ZEB1: variants seen among roughly 807,000 people sequenced by gnomAD.
ZEB1 encodes zinc finger E-box-binding homeobox 1.
In ZEB1, 21 loss-of-function variants were observed where a neutral mutation model predicts 84.9. The ratio of observed to expected loss-of-function variants is 0.25; its 90% confidence interval spans 0.18 to 0.36. The LOEUF (loss-of-function observed/expected upper bound fraction) is 0.36. Ranked by LOEUF, ZEB1 falls within the 10% of genes least tolerant of loss-of-function variation. ZEB1 has a pLI of 1.00. For synonymous variants in ZEB1, 420 were observed against 471.1 expected, an observed-to-expected ratio of 0.89 and a Z score of 1.41; for missense variants, 1,104 against 1,330.2, an observed-to-expected ratio of 0.83 and a Z score of 2.65.
chr10:31,456,976 A>G (rs1201869057), intron 1 of ZEB1, among the ~76,000 whole-genome samples: 2 of 152,200 alleles, frequency 1.3e-5, no homozygotes, highest in African/African-American at 4.8e-5. Context: ...TTACATTCTG[A>G]TGACAATAAG....
At chr10:31,393,025 C>T (rs955277328) in intron 1 of ZEB1, among the ~76,000 whole-genome samples, 32 of 151,918 alleles carry the variant, frequency 2.1e-4, no homozygotes, top group African/African-American at 7.0e-4. Flanking sequence ...TTTGTTGAGA[C>T]GGGGGTCTCA....
At chr10:31,504,900 C>T (rs943126407) in intron 4 of ZEB1, among the ~76,000 whole-genome samples, 1 of 152,058 alleles carries the variant, frequency 6.6e-6, no homozygotes, top group African/African-American at 2.4e-5. Flanking sequence ...CAAAGAGAGA[C>T]TATTTGACTT....
intron 1 of ZEB1, among the ~76,000 whole-genome samples, chr10:31,452,736 TGTGTGTGAGAGAGAGA>T (rs1319741401): frequency 1.1e-3 from 125 of 112,944 alleles, no homozygotes; most frequent in African/African-American, 5.7e-3. Flanking sequence ...TGTGTGTGTG[TGTGTGTGAGAGAGAGA>T]GAGAGAGAGA....
intron 3 of ZEB1, among the ~76,000 whole-genome samples, chr10:31,499,775 A>T (rs1339915931): frequency 6.6e-6 from 1 of 152,116 alleles, no homozygotes; most frequent in African/African-American, 2.4e-5. Context: ...CAAAAAAAAA[A>T]TAGAAATTAT....
intron 1 of ZEB1, among the ~76,000 whole-genome samples, chr10:31,397,177 A>T (rs1006033776): frequency 7.0e-6 from 1 of 142,784 alleles, no homozygotes; most frequent in African/African-American, 2.6e-5. Flanking sequence ...TATTATTATT[A>T]TTATTATTAT....
intron 1 of ZEB1, among the ~76,000 whole-genome samples, chr10:31,358,998 C>T (rs11008471): frequency 2.6e-5 from 4 of 152,088 alleles, no homozygotes; most frequent in South Asian, 2.1e-4. Flanking sequence ...TGTGTTAATT[C>T]TTTGTGTAGA....
At chr10:31,352,363 T>G (rs1464559066) in intron 1 of ZEB1, among the ~76,000 whole-genome samples, 1 of 152,188 alleles carries the variant, frequency 6.6e-6, no homozygotes, top group East Asian at 1.9e-4. Context: ...AAACAAAAAT[T>G]TGGCTTCTTA....
chr10:31,476,767 A>G (rs2064264469), intron 2 of ZEB1, among the ~76,000 whole-genome samples: 1 of 152,102 alleles, frequency 6.6e-6, no homozygotes, highest in South Asian at 2.1e-4. Context: ...GCAAGTCAGT[A>G]AATGTGATTC....
chr10:31,345,474 T>C (rs766080796), intron 1 of ZEB1, among the ~76,000 whole-genome samples: 9 of 152,186 alleles, frequency 5.9e-5, no homozygotes, highest in South Asian at 2.1e-4. Context: ...CTAAGTGTTA[T>C]GAGTTGTCCA....
At chr10:31,450,458 T>TAATAGTTCTAA (rs2137023388) in intron 1 of ZEB1, among the ~76,000 whole-genome samples, 1 of 152,118 alleles carries the variant, frequency 6.6e-6, no homozygotes, top group East Asian at 1.9e-4. Flanking sequence ...CCAAATGTCC[T>TAATAGTTCTAA]TACTGCTAAT....
intron 2 of ZEB1, among the ~76,000 whole-genome samples, chr10:31,469,302 G>A (rs576155901): frequency 9.3e-5 from 14 of 151,304 alleles, no homozygotes; most frequent in East Asian, 2.0e-4. Flanking sequence ...CTGAGGTACC[G>A]GGTTCATCTC....
chr10:31,344,375 A>G (rs1041938441), intron 1 of ZEB1, among the ~76,000 whole-genome samples: 1 of 152,062 alleles, frequency 6.6e-6, no homozygotes, highest in Non-Finnish European at 1.5e-5. Flanking sequence ...TGTCAACTCA[A>G]GTATAAAATA....
At chr10:31,385,533 C>CTT (rs1431044567) in intron 1 of ZEB1, among the ~76,000 whole-genome samples, 1 of 142,268 alleles carries the variant, frequency 7.0e-6, no homozygotes, top group Non-Finnish European at 1.5e-5. Context: ...TTTTTCTTTT[C>CTT]TTTTTTTTTT....
chr10:31,482,914 GT>G (rs2065233306), intron 2 of ZEB1, among the ~76,000 whole-genome samples: 1 of 152,070 alleles, frequency 6.6e-6, no homozygotes, highest in African/African-American at 2.4e-5. Context: ...CTAAAAGAAT[GT>G]CAGATATCTT....
chr10:31,340,811 G>A (rs1171822420), intron 1 of ZEB1, among the ~76,000 whole-genome samples: 1 of 152,144 alleles, frequency 6.6e-6, no homozygotes, highest in African/African-American at 2.4e-5. Flanking sequence ...CAGTGGGAGA[G>A]ACAAGGAAGG....
At chr10:31,444,515 T>G (rs2059498679) in intron 1 of ZEB1, among the ~76,000 whole-genome samples, 2 of 151,306 alleles carry the variant, frequency 1.3e-5, no homozygotes, top group African/African-American at 4.8e-5. Flanking sequence ...TGGTAATGCC[T>G]AGGTTTTCTT....
chr10:31,477,815 A>G (rs895560508), intron 2 of ZEB1, among the ~76,000 whole-genome samples: 16 of 152,048 alleles, frequency 1.1e-4, no homozygotes, highest in Admixed American at 3.9e-4. Flanking sequence ...CCACATGCAG[A>G]AAAATGAAAC....
At chr10:31,410,517 A>G (rs372414207) in intron 1 of ZEB1, among the ~76,000 whole-genome samples, 280 of 152,340 alleles carry the variant, frequency 1.8e-3, no homozygotes, top group African/African-American at 6.4e-3. Context: ...TGCTGGCCTC[A>G]TAAAATGAGT....
intron 1 of ZEB1, among the ~76,000 whole-genome samples, chr10:31,455,554 A>G (rs1252927180): frequency 1.3e-5 from 2 of 150,632 alleles, no homozygotes; most frequent in African/African-American, 2.5e-5. Flanking sequence ...AAGAACTTCA[A>G]CAAATTTACA....
Sources: gnomAD v4.1 joint callset for allele counts (sites outside exome capture counted in the v4.1 genomes callset) on GRCh38, gnomAD v4.1.1 for gene constraint, MANE v1.5 for transcripts, NCBI Gene and HGNC (gene_info 2026-07-23, HGNC 2026-07-21) for gene names.